The following SPEF2 variants were observed in gnomAD, a reference collection of about 807,000 sequenced individuals.
SPEF2 encodes sperm flagella and cilia-associated protein 2.
SPEF2 carries 187 observed loss-of-function variants against 224.6 expected under a neutral mutation model. The ratio of observed to expected loss-of-function variants is 0.83; its 90% CI spans 0.74 to 0.94. The LOEUF (loss-of-function observed/expected upper bound fraction) is 0.94, where lower values mean the gene tolerates loss of function less well. SPEF2 is among the 40% of genes least tolerant of loss of function. SPEF2 has a pLI of 0.00. For synonymous variants in SPEF2, 715 were observed against 707.3 expected (o/e 1.01, Z -0.17); for missense variants, 2,170 against 2,135.6 (o/e 1.02, Z -0.32).
In SPEF2 at chr5:35,789,520, T is replaced by A. The variant is rs774162592; in HGVS notation, c.4448-2820T>A. On this transcript the variant is annotated intron_variant, in intron 30 of 36. Coordinates refer to ENST00000356031, the MANE Select transcript of SPEF2 (RefSeq NM_024867.4). ...AGACTAGGGCCAAAAGAACGCATGG[T>A]GGATTCAGCCACACACTTTCATGGT... is the stretch of plus-strand genomic sequence containing the variant. 23 of 651,520 alleles carry A rather than the reference T, an allele frequency of 3.5e-5. No homozygotes were observed. The South Asian group carries it at 3.9e-4, about 11-fold the overall frequency. 40.4% of individuals were successfully genotyped at this position (651,520 alleles called of 1,614,324 possible). A position where few individuals can be genotyped will look rare whatever the true frequency, so the allele number is the denominator to read the frequency against.
chr5:35,646,724 A>T lies in SPEF2; in HGVS notation c.643A>T (p.Ile215Leu). Reference protein sequence around the residue: ...EIMAKIQAAIIQIPKPASNRT... With the variant: ...EIMAKIQAAILQIPKPASNRT... Reference sequence around the variant, plus strand: ...AATGGCCAAAATCCAAGCAGCTATTATACAGATTCCTAAACCTGCATCAAA... The same window carrying T: ...AATGGCCAAAATCCAAGCAGCTATTTTACAGATTCCTAAACCTGCATCAAA... The change falls in exon 5 of 37, where the codon ATA becomes TTA. Residue 215 changes from isoleucine (I) to leucine (L), a missense_variant. By Grantham distance (5) the Ile-to-Leu change is conservative (BLOSUM62 2). Coordinates refer to ENST00000356031, the MANE Select transcript of SPEF2 (RefSeq NM_024867.4). 2 of 1,614,038 alleles carry T rather than the reference A, an allele frequency of 1.2e-6. No homozygotes were observed. Among genetic ancestry groups the T allele is most frequent in the Non-Finnish European group, 1.7e-6 (2 of 1,179,950 alleles).
intron 29 of SPEF2, among the ~76,000 whole-genome samples, chr5:35,778,909 C>T (rs1357984133): frequency 6.6e-6 from 1 of 152,096 alleles, no homozygotes; most frequent in East Asian, 1.9e-4. Context: ...GTTTAATAAG[C>T]ATGCATTTTC....
intron 19 of SPEF2, chr5:35,709,808 G>C (rs1054353810): frequency 1.0e-6 from 1 of 985,204 alleles, no homozygotes; most frequent in African/African-American, 1.7e-5. Context: ...GATATTGGTA[G>C]AGTGTCAGTA....
At chr5:35,698,763 T>C (rs1443414508) in intron 15 of SPEF2, 2 of 152,258 alleles carry the variant, frequency 1.3e-5, no homozygotes, top group African/African-American at 4.8e-5. Flanking sequence ...TCCAGTTACA[T>C]GTCTGGCTAG....
intron 30 of SPEF2, chr5:35,788,153 T>C: frequency 1.4e-6 from 1 of 702,968 alleles, no homozygotes; most frequent in South Asian, 1.5e-5. Context: ...CAAGGCCTCA[T>C]TAATGGAAGC....
At chr5:35,642,466 C>T (rs1047874277) in intron 3 of SPEF2, among the ~76,000 whole-genome samples, 1 of 152,102 alleles carries the variant, frequency 6.6e-6, no homozygotes, top group Non-Finnish European at 1.5e-5. Flanking sequence ...TTGGTTTTAC[C>T]GTCCTGATAC....
intron 6 of SPEF2, among the ~76,000 whole-genome samples, chr5:35,650,112 C>T (rs1371244879): frequency 6.6e-6 from 1 of 151,910 alleles, no homozygotes; most frequent in Non-Finnish European, 1.5e-5. Context: ...GGTACTAATT[C>T]TAAAGAAAAG....
chr5:35,745,052 G>A (rs1168658646), intron 23 of SPEF2, among the ~76,000 whole-genome samples: 2 of 152,192 alleles, frequency 1.3e-5, no homozygotes, highest in Non-Finnish European at 2.9e-5. Flanking sequence ...GTCTGTTTCA[G>A]TTTCTAACTG....
chr5:35,636,070 A>T (rs1745793420), intron 2 of SPEF2, among the ~76,000 whole-genome samples: 1 of 152,068 alleles, frequency 6.6e-6, no homozygotes, highest in South Asian at 2.1e-4. Flanking sequence ...AGATTATTAC[A>T]TATTCCCAGG....
chr5:35,704,004 C>T (rs1441369001), intron 16 of SPEF2, among the ~76,000 whole-genome samples: 1 of 151,838 alleles, frequency 6.6e-6, no homozygotes, highest in East Asian at 1.9e-4. Flanking sequence ...GACTTTGTAC[C>T]ATTAATCCAG....
chr5:35,620,575 G>C (rs1311982570), intron 1 of SPEF2, among the ~76,000 whole-genome samples: 1 of 152,104 alleles, frequency 6.6e-6, no homozygotes, highest in Non-Finnish European at 1.5e-5. Context: ...TTTGAACAAA[G>C]ACGTTTATTG....
intron 26 of SPEF2, among the ~76,000 whole-genome samples, chr5:35,767,334 A>T (rs1478068100): frequency 6.6e-6 from 1 of 151,964 alleles, no homozygotes; most frequent in Non-Finnish European, 1.5e-5. Context: ...GAAATTGTTT[A>T]TATGTCATAT....
intron 18 of SPEF2, among the ~76,000 whole-genome samples, chr5:35,707,080 G>A (rs759481603): frequency 2.2e-4 from 33 of 152,098 alleles, no homozygotes; most frequent in Admixed American, 1.4e-3. Context: ...ATTTCAAACA[G>A]GTAATTAACA....
At chr5:35,764,561 G>A (rs1751822434) in intron 26 of SPEF2, 1 of 456,046 alleles carries the variant, frequency 2.2e-6, no homozygotes, top group Admixed American at 2.4e-5. Flanking sequence ...CTACCAAGAT[G>A]TCTTCTCTTT....
chr5:35,777,610 A>G (rs1196333877), intron 29 of SPEF2, among the ~76,000 whole-genome samples: 1 of 151,950 alleles, frequency 6.6e-6, no homozygotes, highest in Non-Finnish European at 1.5e-5. Flanking sequence ...CTGTGAATCT[A>G]CAGATGCTGT....
chr5:35,640,788 C>T (rs1311134006), intron 2 of SPEF2, among the ~76,000 whole-genome samples: 2 of 152,118 alleles, frequency 1.3e-5, no homozygotes, highest in Admixed American at 6.6e-5. Context: ...CAGTAAGTTA[C>T]ACCACATGAT....
intron 19 of SPEF2, chr5:35,709,899 C>T: frequency 1.0e-6 from 1 of 985,370 alleles, no homozygotes; most frequent in Non-Finnish European, 1.2e-6. Flanking sequence ...TGCAGTTACA[C>T]CATGTCTACC....
rs1486183648 is a variant in SPEF2, at chr5:35,646,767, T to C, written c.686T>C (p.Leu229Pro). The C allele has an allele frequency of 6.2e-7, 1 of 1,613,848 alleles. No homozygotes were observed. Among genetic ancestry groups the C allele is most frequent in the Non-Finnish European group, 8.5e-7 (1 of 1,179,912 alleles). Residue 229 changes from leucine (L) to proline (P), a missense_variant, in exon 5 of 37, where the codon CTC (leucine) becomes CCC (proline). Coordinates refer to ENST00000356031, the MANE Select transcript of SPEF2 (RefSeq NM_024867.4). ...KPASNRTLKA[L>P]EAQKMMKKKK... Reference sequence around the variant, plus strand: ...GCATCAAATCGTACTTTGAAAGCACTCGAGGCCCAAAAAATGATGAAAAAG... The same window carrying C: ...GCATCAAATCGTACTTTGAAAGCACCCGAGGCCCAAAAAATGATGAAAAAG...
At chr5:35,666,748 A>G (rs748234969) in intron 8 of SPEF2, among the ~76,000 whole-genome samples, 1 of 152,250 alleles carries the variant, frequency 6.6e-6, no homozygotes, top group Admixed American at 6.5e-5. Context: ...TCCGATCCCT[A>G]TTTGCAACCG....
Sources: allele counts gnomAD v4.1 joint callset (sites outside exome capture counted in the v4.1 genomes callset), GRCh38; gene constraint gnomAD v4.1.1; transcripts MANE v1.5; gene names NCBI Gene and HGNC (gene_info 2026-07-23, HGNC 2026-07-21).